TENM3: variants seen among roughly 807,000 people sequenced by gnomAD.
TENM3 encodes the protein teneurin transmembrane protein 3.
A neutral mutation model predicts 255.1 loss-of-function variants in TENM3; 63 were observed. The ratio of observed to expected loss-of-function variants is 0.25; its 90% CI spans 0.20 to 0.30. The LOEUF is 0.30. Ranked by LOEUF, TENM3 falls within the 10% of genes least tolerant of loss-of-function variation. The pLI, the probability that TENM3 is intolerant of heterozygous loss-of-function variation, is 1.00. For missense variants in TENM3, 2,929 were observed against 3,461.1 expected (o/e 0.85, Z 3.86); for synonymous variants, 1,306 against 1,322.3 (o/e 0.99, Z 0.27).
At chr4:182,448,344 C>T (rs1396473085) in intron 3 of TENM3, among the ~76,000 whole-genome samples, 1 of 152,172 alleles carries the variant, frequency 6.6e-6, no homozygotes, top group Non-Finnish European at 1.5e-5. Context: ...GCGGACGCCC[C>T]GCGGGCGCCA....
At chr4:181,779,744 C>T in the TENM3 span, among the ~76,000 whole-genome samples, 2 of 152,018 alleles carry the variant, frequency 1.3e-5, no homozygotes, top group African/African-American at 4.8e-5. Context: ...CCCATTAACT[C>T]GTCATTTACA....
At chr4:181,801,545 T>C in the TENM3 span, among the ~76,000 whole-genome samples, 1 of 151,748 alleles carries the variant, frequency 6.6e-6, no homozygotes, top group African/African-American at 2.4e-5. Context: ...TTAAAATTCA[T>C]ATCTATAAGC....
the TENM3 span, among the ~76,000 whole-genome samples, chr4:181,480,046 TA>T: frequency 1.3e-5 from 2 of 152,166 alleles, no homozygotes; most frequent in South Asian, 4.1e-4. Context: ...ATCATACAAA[TA>T]AAATTAATTG....
At chr4:181,969,994 G>A in the TENM3 span, among the ~76,000 whole-genome samples, 1 of 152,178 alleles carries the variant, frequency 6.6e-6, no homozygotes, top group Non-Finnish European at 1.5e-5. Flanking sequence ...CTTTATGACT[G>A]ATTTTAATTA....
chr4:181,792,360 T>C, the TENM3 span, among the ~76,000 whole-genome samples: 1 of 152,208 alleles, frequency 6.6e-6, no homozygotes, highest in Admixed American at 6.5e-5. Flanking sequence ...TAGAATGTTA[T>C]AAGGAAATTC....
intron 12 of TENM3, among the ~76,000 whole-genome samples, chr4:182,707,138 G>A (rs915055642): frequency 1.7e-4 from 26 of 152,004 alleles, no homozygotes; most frequent in African/African-American, 6.3e-4. Flanking sequence ...AATTCATCAC[G>A]GCCAATTCTT....
chr4:182,230,501 CT>C (rs1045037038), intron 1 of TENM3, among the ~76,000 whole-genome samples: 1 of 151,980 alleles, frequency 6.6e-6, no homozygotes, highest in African/African-American at 2.4e-5. Flanking sequence ...GTTGTAAACT[CT>C]TTTCTAGGTG....
the TENM3 span, among the ~76,000 whole-genome samples, chr4:181,839,706 A>G: frequency 2.2e-4 from 34 of 151,496 alleles, no homozygotes; most frequent in Non-Finnish European, 4.0e-4. Flanking sequence ...ATATTATTAT[A>G]TATTATCATC....
At chr4:181,730,492 TG>T in the TENM3 span, among the ~76,000 whole-genome samples, 2 of 152,188 alleles carry the variant, frequency 1.3e-5, no homozygotes, top group Non-Finnish European at 2.9e-5. Context: ...CCCGTAACTT[TG>T]GGGTCTAACT....
At chr4:182,149,581 G>T (rs1453337186) in intron 1 of TENM3, among the ~76,000 whole-genome samples, 2 of 151,946 alleles carry the variant, frequency 1.3e-5, no homozygotes, top group Non-Finnish European at 2.9e-5. Flanking sequence ...ATAATAATGA[G>T]ATTTTACTTC....
At chr4:182,654,020 CT>C in intron 6 of TENM3, 127 bp downstream of exon 6, 1 of 863,950 alleles carries the variant, frequency 1.2e-6, no homozygotes, top group Non-Finnish European at 1.6e-6. Context: ...CAGATATCAT[CT>C]TTTTATAAGT....
the TENM3 span, among the ~76,000 whole-genome samples, chr4:181,544,541 CCACTTCTGGGCTGCCCCCTGCCGCT>C: frequency 6.6e-6 from 1 of 151,622 alleles, no homozygotes; most frequent in Non-Finnish European, 1.5e-5. Context: ...CCCCTGCCGC[CCACTTCTGGGCTGCCCCCTGCCGCT>C]GTCAGTTGGC....
the TENM3 span, among the ~76,000 whole-genome samples, chr4:181,486,363 G>A: frequency 2.0e-5 from 3 of 152,150 alleles, no homozygotes; most frequent in Non-Finnish European, 2.9e-5. Flanking sequence ...TACCCAGTAA[G>A]GACTCAAACT....
chr4:182,757,051 A>C (rs1231591289), intron 22 of TENM3, among the ~76,000 whole-genome samples: 3 of 151,972 alleles, frequency 2.0e-5, no homozygotes, highest in Non-Finnish European at 4.4e-5. Context: ...GGTGGCTCAC[A>C]CCTGTAATCC....
At chr4:182,714,527 A>G (rs1368443253) in intron 13 of TENM3, among the ~76,000 whole-genome samples, 1 of 152,170 alleles carries the variant, frequency 6.6e-6, no homozygotes, top group South Asian at 2.1e-4. Flanking sequence ...CTTCTCCTCA[A>G]CCACAGTATT....
At chr4:182,128,798 T>TA in the TENM3 span, among the ~76,000 whole-genome samples, 1 of 152,240 alleles carries the variant, frequency 6.6e-6, no homozygotes, top group Non-Finnish European at 1.5e-5. Flanking sequence ...GGCACTGTAT[T>TA]AAACCCTGAA....
Position 182,732,434 on chromosome 4 carries a change from C to T in TENM3, c.2967+1295C>T, listed in dbSNP as rs776695762. Among the ~76,000 whole-genome samples the T allele has an allele frequency of 2.6e-5, 4 of 152,330 alleles. No homozygotes were observed. The East Asian group carries it at 5.8e-4, about 22-fold the overall frequency. On this transcript the variant is annotated intron_variant, in intron 16 of 27. Coordinates refer to ENST00000511685, the MANE Select transcript of TENM3 (RefSeq NM_001080477.4). Reference sequence around the variant, plus strand: ...AAGAAATAGCCATGCATTCCCCATTCGTTTCATCTACTGAAATAGCTGAGG... The same window carrying T: ...AAGAAATAGCCATGCATTCCCCATTTGTTTCATCTACTGAAATAGCTGAGG...
the TENM3 span, among the ~76,000 whole-genome samples, chr4:182,097,051 C>T: frequency 6.6e-6 from 1 of 152,020 alleles, no homozygotes; most frequent in Non-Finnish European, 1.5e-5. Flanking sequence ...AGTTACCGTA[C>T]TTATGGTGGG....
chr4:181,665,701 C>A, the TENM3 span, among the ~76,000 whole-genome samples: 15 of 151,846 alleles, frequency 9.9e-5, 1 homozygote, highest in Admixed American at 9.2e-4. Flanking sequence ...CACACACGTA[C>A]CCTGTTCTGC....
Sources: allele counts gnomAD v4.1 joint callset (sites outside exome capture counted in the v4.1 genomes callset), GRCh38; gene constraint gnomAD v4.1.1; transcripts MANE v1.5; gene names NCBI Gene and HGNC (gene_info 2026-07-23, HGNC 2026-07-21).